The following MGAT4C variants were observed in gnomAD, a reference collection of about 807,000 sequenced individuals.
MGAT4C encodes MGAT4 family member C.
Under a neutral mutation model 40.1 loss-of-function variants are expected in MGAT4C, and 19 were observed. The observed-to-expected ratio is 0.47, with a 90% CI of 0.33 to 0.70. The LOEUF (loss-of-function observed/expected upper bound fraction) is 0.70, where lower values mean the gene tolerates loss of function less well. MGAT4C is among the 30% of genes least tolerant of loss of function. The pLI is 0.02. For synonymous variants in MGAT4C, 181 were observed against 187.1 expected, an observed-to-expected ratio of 0.97 and a Z score of 0.27; for missense variants, 491 against 563.2, an observed-to-expected ratio of 0.87 and a Z score of 1.30.
intron 1 of MGAT4C, among the ~76,000 whole-genome samples, chr12:86,064,254 C>A (rs1337260835): frequency 6.6e-6 from 1 of 152,086 alleles, no homozygotes; most frequent in Non-Finnish European, 1.5e-5. Flanking sequence ...ACTCACTCAA[C>A]CTGTAGTCCC....
intron 1 of MGAT4C, among the ~76,000 whole-genome samples, chr12:86,069,128 AT>A (rs575407446): frequency 2.3e-4 from 33 of 141,966 alleles, no homozygotes; most frequent in African/African-American, 3.2e-4. Context: ...GGAAGGTGTC[AT>A]TTTTTTCTGG....
intron 1 of MGAT4C, among the ~76,000 whole-genome samples, chr12:86,824,956 T>C (rs1280955578): frequency 2.0e-5 from 3 of 151,214 alleles, no homozygotes; most frequent in Admixed American, 6.6e-5. Context: ...ATAAAAGCAA[T>C]AAAAGGTTTT....
intron 2 of MGAT4C, among the ~76,000 whole-genome samples, chr12:86,660,997 T>A (rs776671922): frequency 4.6e-5 from 7 of 152,148 alleles, no homozygotes; most frequent in Admixed American, 1.3e-4. Flanking sequence ...ATAAACTGGC[T>A]CTCTAAGGGT....
chr12:86,432,574 T>C (rs1252904585), intron 3 of MGAT4C, among the ~76,000 whole-genome samples: 1 of 151,988 alleles, frequency 6.6e-6, no homozygotes, highest in African/African-American at 2.4e-5. Context: ...AGGAAAGAAG[T>C]GCAGTGTGAG....
chr12:86,021,512 C>T (rs550505481), intron 2 of MGAT4C, among the ~76,000 whole-genome samples: 7 of 145,442 alleles, frequency 4.8e-5, no homozygotes, highest in Non-Finnish European at 1.0e-4. Context: ...ACCGCATGTT[C>T]TTACTCATAG....
chr12:85,993,199 C>T (rs567052134), intron 2 of MGAT4C, among the ~76,000 whole-genome samples: 17 of 152,084 alleles, frequency 1.1e-4, no homozygotes, highest in Non-Finnish European at 1.6e-4. Context: ...GGAAGGATGT[C>T]GTGTTACTTT....
rs139097266 is a variant in MGAT4C at position 86,041,396 on chromosome 12, C to T, written c.-7+8278G>A. On this transcript the variant is annotated intron_variant, in intron 2 of 4. Coordinates refer to ENST00000611864, the MANE Select transcript of MGAT4C (RefSeq NM_001351288.2). ...TACTTTGCTGTTGTTTCTGCAGTTC[C>T]CCTAGGTCTGATGTTATGTTATTAA... Among the ~76,000 whole-genome samples, 339 of 151,902 alleles carry T rather than the reference C, an allele frequency of 2.2e-3. 3 individuals are homozygous for T. Among genetic ancestry groups the T allele is most frequent in the Middle Eastern group, 0.01 (3 of 292 alleles).
intron 1 of MGAT4C, among the ~76,000 whole-genome samples, chr12:86,216,906 ATAACT>A (rs1417999937): frequency 6.6e-6 from 1 of 152,172 alleles, no homozygotes; most frequent in Non-Finnish European, 1.5e-5. Flanking sequence ...AGGAAGAAAA[ATAACT>A]TAAGATGATG....
At chr12:86,253,805 A>G (rs1420089947) in intron 1 of MGAT4C, among the ~76,000 whole-genome samples, 1 of 152,004 alleles carries the variant, frequency 6.6e-6, no homozygotes, top group Non-Finnish European at 1.5e-5. Context: ...TAAAAAACCA[A>G]GCAGTATTGT....
intron 1 of MGAT4C, among the ~76,000 whole-genome samples, chr12:86,128,367 C>T (rs568026416): frequency 6.6e-6 from 1 of 152,128 alleles, no homozygotes; most frequent in South Asian, 2.1e-4. Flanking sequence ...CAGTTTTCCC[C>T]ATACCGTTCT....
At chr12:86,289,045 G>GT (rs1491540570) in intron 4 of MGAT4C, among the ~76,000 whole-genome samples, 1 of 152,080 alleles carries the variant, frequency 6.6e-6, no homozygotes, top group Non-Finnish European at 1.5e-5. Flanking sequence ...ATAGTTTTGG[G>GT]TTTTGTATTG....
chr12:86,473,107 C>T lies in MGAT4C; in HGVS notation c.-228-37842G>A, dbSNP rs540757944. 6.6e-5 allele frequency among the ~76,000 whole-genome samples: 10 copies of T among 152,224 alleles called. No individual in the cohort carries two copies. The South Asian group carries it at 2.1e-3, about 32-fold the overall frequency. On this transcript the variant is annotated intron_variant, in intron 2 of 7. Transcript: ENST00000548651. ...AATACCTGGGATTACAAGCATACGCCTCCACGTCCGGCTAATTTTTTGTGT... is the reference window on the plus strand; with the variant it reads ...AATACCTGGGATTACAAGCATACGCTTCCACGTCCGGCTAATTTTTTGTGT...
rs1332303632 is a variant in MGAT4C, at chr12:86,485,348, G to C, written c.-228-50083C>G. Among the ~76,000 whole-genome samples the C allele has an allele frequency of 4.6e-5, 7 of 152,110 alleles. No homozygotes were observed. The East Asian group carries it at 1.3e-3, about 29-fold the overall frequency. On this transcript the variant is annotated intron_variant, in intron 2 of 7. Coordinates refer to the MGAT4C transcript ENST00000548651. The stretch of plus-strand genomic sequence containing the variant: ...AGAAATCCAAGGAATCCCATAAAAT[G>C]ATCTAAGAGCTGAGGAAAAAAGAGC...
rs577391186 is a variant in MGAT4C at position 86,296,589 on chromosome 12, G to A, written c.-57+37476C>T. ...GGCCCAGCGAGAAATCGAGCGCAGC[G>A]CCGGTGGGCTGGCACTGCTGGGGGT... On this transcript the variant is annotated intron_variant, in intron 4 of 7. Coordinates refer to the MGAT4C transcript ENST00000548651. 1.8e-4 allele frequency among the ~76,000 whole-genome samples: 27 copies of A among 152,338 alleles called. No homozygotes were observed. The South Asian group carries it at 3.7e-3, about 21-fold the overall frequency.
At chr12:86,006,930 C>A (rs1887946654) in intron 2 of MGAT4C, among the ~76,000 whole-genome samples, 1 of 152,072 alleles carries the variant, frequency 6.6e-6, no homozygotes. Context: ...GCATTAGCCT[C>A]CATGAAGTTC....
intron 3 of MGAT4C, among the ~76,000 whole-genome samples, chr12:86,417,220 T>C (rs1407894485): frequency 2.0e-5 from 3 of 152,090 alleles, no homozygotes; most frequent in Non-Finnish European, 2.9e-5. Flanking sequence ...GATAAGTGGA[T>C]TGAACAATTG....
intron 3 of MGAT4C, among the ~76,000 whole-genome samples, chr12:86,392,209 G>A (rs1956172441): frequency 6.6e-6 from 1 of 152,062 alleles, no homozygotes; most frequent in East Asian, 1.9e-4. Flanking sequence ...CAGTGGCTCA[G>A]TCCTGTAATC....
chr12:86,233,126 T>A (rs372601320), intron 1 of MGAT4C, among the ~76,000 whole-genome samples: 1 of 152,228 alleles, frequency 6.6e-6, no homozygotes, highest in South Asian at 2.1e-4. Context: ...TTGTATCATA[T>A]GTAGTGTTAC....
intron 3 of MGAT4C, among the ~76,000 whole-genome samples, chr12:86,394,118 C>T (rs549693986): frequency 6.6e-6 from 1 of 152,236 alleles, no homozygotes; most frequent in South Asian, 2.1e-4. Flanking sequence ...AGGCCACTAG[C>T]ATAATAAGGT....
Sources: gnomAD v4.1 joint callset for allele counts (sites outside exome capture counted in the v4.1 genomes callset) on GRCh38, gnomAD v4.1.1 for gene constraint, MANE v1.5 for transcripts, NCBI Gene and HGNC (gene_info 2026-07-23, HGNC 2026-07-21) for gene names.